SZT2: variants seen among roughly 807,000 people sequenced by gnomAD.
The protein encoded by SZT2 is SZT2 subunit of KICSTOR complex, also known as KICSTOR complex protein SZT2.
SZT2 carries 216 observed loss-of-function variants against 404.2 expected under a neutral mutation model. The ratio of observed to expected loss-of-function variants is 0.53; its 90% confidence interval spans 0.48 to 0.60. The LOEUF (loss-of-function observed/expected upper bound fraction) is 0.60. Among genes scored for constraint, SZT2 ranks in the 20% least tolerant of loss-of-function variants. SZT2 has a pLI of 0.00. For missense variants in SZT2, 3,857 were observed against 4,459.2 expected, an observed-to-expected ratio of 0.86 and a Z score of 3.85; for synonymous variants, 1,693 against 1,749.9, an observed-to-expected ratio of 0.97 and a Z score of 0.81.
chr1:43,402,701 T>C (rs1649823453), intron 1 of SZT2, among the ~76,000 whole-genome samples: 1 of 152,122 alleles, frequency 6.6e-6, no homozygotes, highest in Non-Finnish European at 1.5e-5. Flanking sequence ...AGGTTTGATT[T>C]TGAGGTATTT....
At chr1:43,409,179 G>A (rs1183228850) in intron 4 of SZT2, among the ~76,000 whole-genome samples, 3 of 152,192 alleles carry the variant, frequency 2.0e-5, no homozygotes, top group Non-Finnish European at 4.4e-5. Context: ...CACCTTGAAG[G>A]AAGAACAAAG....
At position 43,446,219 on chromosome 1, in the gene SZT2, C is replaced by A. The variant is rs777442948; in HGVS notation, c.8957C>A (p.Ala2986Glu). The A allele has an allele frequency of 1.2e-6, 2 of 1,614,130 alleles. No individual in the cohort carries two copies. The highest frequency in any genetic ancestry group is 2.7e-5 in the African/African-American group (2 of 74,944). ...GTAACCACCTACCACCTGCAGCGGG[C>A]ACTGCCTGGGGGCATCATCCTCATG... Reference protein sequence around the residue: ...SPVTTYHLQRALPGGIILMEL... With the variant: ...SPVTTYHLQRELPGGIILMEL... Residue 2986 changes from alanine (A) to glutamate (E), a missense_variant, in exon 64 of 72, where the codon GCA (alanine) becomes GAA (glutamate). Physicochemically the swap from Ala to Glu is moderately radical, Grantham distance 107 (BLOSUM62 -1). Transcript: ENST00000634258.
At chr1:43,390,603 A>G (rs1648177310) in intron 1 of SZT2, among the ~76,000 whole-genome samples, 1 of 152,372 alleles carries the variant, frequency 6.6e-6, no homozygotes, top group East Asian at 1.9e-4. Flanking sequence ...CAGAAAGGTG[A>G]TATGATATAT....
At position 43,431,289 on chromosome 1, in the gene SZT2, A is replaced by C. The variant is rs749976646; in HGVS notation, c.4941A>C (p.Ser1647=). The change falls in exon 34 of 72, where the codon TCA becomes TCC. Residue 1647 remains serine (S), a synonymous_variant. Coordinates refer to ENST00000634258, the MANE Select transcript of SZT2 (RefSeq NM_001365999.1). ...GGTCAACATCTGAAAGCAGTGCTTC[A>C]TTTCCACGATCCCCAGGGCAGCCAT... ...HHRSTSESSA[S]FPRSPGQPSS... is the part of the protein sequence containing the mutation. 1 of 1,612,224 alleles carries C rather than the reference A, an allele frequency of 6.2e-7. No individual in the cohort carries two copies. The highest frequency in any genetic ancestry group is 1.1e-5 in the South Asian group (1 of 90,768).
At chr1:43,428,840 A>C in intron 28 of SZT2, 1 of 255,140 alleles carries the variant, frequency 3.9e-6, no homozygotes, top group Non-Finnish European at 7.7e-6. Context: ...GGGGGCCAAA[A>C]CTGTATTTTG....
In SZT2 at chr1:43,430,110, G is replaced by C. The variant is rs937666303; in HGVS notation, c.4401+7G>C. On this transcript the variant is annotated splice_region_variant and intron_variant, in intron 30 of 71. Transcript: ENST00000634258. The stretch of plus-strand genomic sequence containing the variant: ...TCCATCCAGCAGGCGAGAAGTGAGT[G>C]GCTCTCTTCCTTACCTCTCTCGTGC... 6.8e-6 allele frequency: 11 copies of C among 1,613,734 alleles called. No individual in the cohort carries two copies. The highest frequency in any genetic ancestry group is 8.5e-6 in the Non-Finnish European group (10 of 1,179,826).
Position 43,432,591 on chromosome 1 carries a change from C to G in SZT2, c.5517C>G (p.Arg1839=). ...SEGVPLISLP[R]VPQGGSQPGP... ...GTGTCCCCCTCATCAGCCTGCCCCG[C>G]GTGCCACAGGGAGGTAAGAGAGGAC... Residue 1839 remains arginine (R), a synonymous_variant, in exon 38 of 72, where the codon CGC becomes CGG. Coordinates refer to ENST00000634258, the MANE Select transcript of SZT2 (RefSeq NM_001365999.1). 6.2e-7 allele frequency: 1 copy of G among 1,613,654 alleles called. No homozygotes were observed. Among genetic ancestry groups the G allele is most frequent in the Non-Finnish European group, 8.5e-7 (1 of 1,179,766 alleles).
chr1:43,452,352 C>CAGT lies in SZT2; in HGVS notation c.*1872_*1873insAGT. On this transcript the variant is annotated 3_prime_UTR_variant, in exon 72 of 72. Coordinates refer to ENST00000634258, the MANE Select transcript of SZT2 (RefSeq NM_001365999.1). Reference sequence around the variant, plus strand: ...GAAGATGGACTGGAGGCCTTGCCTCCCTTGGCTCTCTCTGCACCTCTTCCA... The same window carrying CAGT: ...GAAGATGGACTGGAGGCCTTGCCTCCAGTCTTGGCTCTCTCTGCACCTCTTCCA... The CAGT allele has an allele frequency of 1.3e-6, 2 of 1,541,858 alleles. No individual in the cohort carries two copies. Among genetic ancestry groups the CAGT allele is most frequent in the Non-Finnish European group, 1.8e-6 (2 of 1,118,300 alleles).
chr1:43,450,840 C>T lies in SZT2; in HGVS notation c.*360C>T, dbSNP rs1183216731. ...CTCTGCCTGAATCCTGCCCCCTAGC[C>T]TTTGACCACTGTCAGCCACCTGTGT... On this transcript the variant is annotated 3_prime_UTR_variant, in exon 72 of 72. Transcript: ENST00000634258. The surrounding 1 kb of genome is among the most constrained non-coding windows in gnomAD (Gnocchi z 4.3). The T allele has an allele frequency of 1.4e-6, 1 of 712,108 alleles. No homozygotes were observed. The highest frequency in any genetic ancestry group is 1.4e-5 in the South Asian group (1 of 73,366). The allele number at this position is 712,108 out of a possible 1,614,324, so 44.1% of individuals were successfully genotyped here. A position where few individuals can be genotyped will look rare whatever the true frequency, so the allele number is the denominator to read the frequency against.
At position 43,439,144 on chromosome 1, in the gene SZT2, C is replaced by G. The variant is rs374832711; in HGVS notation, c.6792+51C>G. On this transcript the variant is annotated intron_variant, in intron 48 of 71. Transcript: ENST00000634258. The surrounding 1 kb of genome is among the most constrained non-coding windows in gnomAD (Gnocchi z 4.2). ...CACTCATGTGCACCCCTGCCCCCTG[C>G]CCCACGCACTTACTCTTTCCTACCG... The G allele has an allele frequency of 6.8e-6, 11 of 1,609,146 alleles. No individual in the cohort carries two copies. In the South Asian group the frequency reaches 7.7e-5, roughly 11 times the overall value.
At position 43,428,128 on chromosome 1, in the gene SZT2, A is replaced by AGGGCCGT; in HGVS notation, c.3919+14_3919+20dup. On this transcript the variant is annotated intron_variant, in intron 27 of 71. Transcript: ENST00000634258. ...CGGTGCTATGTCCGTGGTGAGCAGGAGGGCCGTGGGAGGGAGGAGTGGGGC... is the reference window on the plus strand; with the variant it reads ...CGGTGCTATGTCCGTGGTGAGCAGGAGGGCCGTGGGCCGTGGGAGGGAGGAGTGGGGC... The AGGGCCGT allele has an allele frequency of 2.5e-6, 4 of 1,612,988 alleles. No individual in the cohort carries two copies. The highest frequency in any genetic ancestry group is 3.4e-6 in the Non-Finnish European group (4 of 1,179,082).
intron 1 of SZT2, among the ~76,000 whole-genome samples, chr1:43,392,302 T>C (rs1158523460): frequency 6.6e-6 from 1 of 152,080 alleles, no homozygotes; most frequent in Non-Finnish European, 1.5e-5. Context: ...TCTAGCAACA[T>C]TGTAAGTGCT....
At chr1:43,416,710 T>C (rs1651763408) in intron 7 of SZT2, 69 bp downstream of exon 7, 18 of 1,224,328 alleles carry the variant, frequency 1.5e-5, no homozygotes, top group Non-Finnish European at 2.1e-5. Flanking sequence ...GGCTGATTAC[T>C]TTCTTACAGG....
intron 4 of SZT2, chr1:43,409,694 A>C (rs574647614): frequency 3.7e-4 from 65 of 174,156 alleles, no homozygotes; most frequent in Admixed American, 1.5e-3. Flanking sequence ...AATACCTAGG[A>C]ATTAACCAAA....
At chr1:43,419,488 GGT>G (rs1216349373) in intron 7 of SZT2, among the ~76,000 whole-genome samples, 1 of 152,202 alleles carries the variant, frequency 6.6e-6, no homozygotes, top group Non-Finnish European at 1.5e-5. Flanking sequence ...TGAAGGAGGT[GGT>G]GGGCCTTTAG....
Position 43,447,054 on chromosome 1 carries a change from G to T in SZT2, c.9172G>T (p.Val3058Leu). ...DFHLRLVHQH[V>L]LGAHLVLRHG... is the part of the protein sequence containing the mutation. ...CCATCTGCGCCTCGTGCATCAGCAC[G>T]TGCTAGGTGCCCATCTGGTGCTGCG... is the stretch of plus-strand genomic sequence containing the variant. The change falls in exon 66 of 72, where the codon GTG (valine) becomes TTG (leucine). Residue 3058 changes from valine (V) to leucine (L), a missense_variant. Transcript: ENST00000634258. 1 of 1,613,912 alleles carries T rather than the reference G, an allele frequency of 6.2e-7. No homozygotes were observed. The highest frequency in any genetic ancestry group is 8.5e-7 in the Non-Finnish European group (1 of 1,180,014).
chr1:43,441,584 A>G lies in SZT2; in HGVS notation c.7592A>G (p.Glu2531Gly), dbSNP rs1327039687. 1 of 1,613,964 alleles carries G rather than the reference A, an allele frequency of 6.2e-7. No homozygotes were observed. The highest frequency in any genetic ancestry group is 8.5e-7 in the Non-Finnish European group (1 of 1,179,988). The change falls in exon 54 of 72, where the codon GAG becomes GGG. Residue 2531 changes from glutamate (E) to glycine (G), a missense_variant. Physicochemically the swap from Glu to Gly is moderately conservative, Grantham distance 98. This residue lies in a region of SZT2 where 573 missense variants were observed against 592.4 expected (regional missense o/e 0.97). Transcript: ENST00000634258. This position sits in a 1 kb window ranked among gnomAD's most constrained non-coding sequence, Gnocchi z 4.8. ...VFARVAQRWM[E>G]FMVQIGCASV... ...GCCCGTGTTGCTCAGCGCTGGATGG[A>G]GTTTATGGTTCAGATTGGTGAGACC... is the stretch of plus-strand genomic sequence containing the variant.
chr1:43,394,626 C>T (rs1030149538), intron 1 of SZT2, among the ~76,000 whole-genome samples: 1 of 152,148 alleles, frequency 6.6e-6, no homozygotes, highest in Non-Finnish European at 1.5e-5. Flanking sequence ...TGCCTGTAAT[C>T]CCAACACTTT....
rs747764184 is a variant in SZT2, at chr1:43,437,699, C to T, written c.6395C>T (p.Ser2132Leu). The change falls in exon 45 of 72, where the codon TCG becomes TTG. Residue 2132 changes from serine (S) to leucine (L), a missense_variant and splice_region_variant. Physicochemically the swap from Ser to Leu is moderately radical, Grantham distance 145 (BLOSUM62 -2). Around this residue, in one of 7 missense-constraint regions of SZT2, gnomAD observed 261 missense variants for 372.9 expected, o/e 0.70. Coordinates refer to ENST00000634258, the MANE Select transcript of SZT2 (RefSeq NM_001365999.1). The surrounding 1 kb of genome is among the most constrained non-coding windows in gnomAD (Gnocchi z 5.3). ...GAGCCCATCTACTCTGAGGAAGCCTCGGCATGTATCACTCCCACTCTCTGA... is the reference window on the plus strand; with the variant it reads ...GAGCCCATCTACTCTGAGGAAGCCTTGGCATGTATCACTCCCACTCTCTGA... ...SQEPIYSEEA[S>L]GPRSPLDMVS... The T allele has an allele frequency of 1.1e-5, 18 of 1,614,098 alleles. No individual in the cohort carries two copies. In the East Asian group the frequency reaches 2.0e-4, roughly 18 times the overall value.
Sources: allele counts gnomAD v4.1 joint callset (sites outside exome capture counted in the v4.1 genomes callset), GRCh38; gene constraint gnomAD v4.1.1; regional missense constraint gnomAD v4.1.1; non-coding constraint Gnocchi (gnomAD v3.1); transcripts MANE v1.5; gene names NCBI Gene and HGNC (gene_info 2026-07-23, HGNC 2026-07-21).